The following FHIT variants were observed in gnomAD, a reference collection of about 807,000 sequenced individuals.
FHIT encodes fragile histidine triad diadenosine triphosphatase, also known as bis(5'-adenosyl)-triphosphatase.
A neutral mutation model predicts 17.9 loss-of-function variants in FHIT; 19 were observed. The observed-to-expected ratio is 1.06, with a 90% CI of 0.74 to 1.56. The LOEUF (loss-of-function observed/expected upper bound fraction) is 1.56, where lower values mean the gene tolerates loss of function less well. FHIT is among the 40% of genes most tolerant of loss of function. The pLI is 0.00. For missense variants in FHIT, 248 were observed against 189.2 expected (o/e 1.31, Z -1.82); for synonymous variants, 81 against 69.7 (o/e 1.16, Z -0.81).
chr3:61,098,536 AAGGGCCATATG>A (rs1206381114), intron 2 of FHIT, among the ~76,000 whole-genome samples: 5 of 152,168 alleles, frequency 3.3e-5, no homozygotes, highest in Admixed American at 1.3e-4. Context: ...ATAAACTGTT[AAGGGCCATATG>A]GCCATTTGCA....
At chr3:59,758,435 A>C (rs553347869) in intron 8 of FHIT, among the ~76,000 whole-genome samples, 1 of 152,338 alleles carries the variant, frequency 6.6e-6, no homozygotes, top group South Asian at 2.1e-4. Context: ...ATAGGCACGC[A>C]CAACAGGGGT....
At chr3:60,585,015 T>G in intron 4 of FHIT, among the ~76,000 whole-genome samples, 1 of 152,130 alleles carries the variant, frequency 6.6e-6, no homozygotes, top group East Asian at 1.9e-4. Flanking sequence ...TTGCATCACT[T>G]CAGGCATCAA....
At chr3:59,981,439 C>A (rs570141250) in intron 7 of FHIT, among the ~76,000 whole-genome samples, 1 of 152,156 alleles carries the variant, frequency 6.6e-6, no homozygotes, top group Admixed American at 6.5e-5. Context: ...TATCCAAATT[C>A]TATTGCTGCC....
chr3:60,371,846 T>TC (rs1700344768), intron 5 of FHIT, among the ~76,000 whole-genome samples: 1 of 150,642 alleles, frequency 6.6e-6, no homozygotes. Flanking sequence ...TGTGGGGTTT[T>TC]TTTTTTTTTT....
rs1200259221 is a variant in FHIT, at chr3:59,800,747, CT to C, written c.349-48427del. Among the ~76,000 whole-genome samples, 29 of 152,002 alleles carry C rather than the reference CT, an allele frequency of 1.9e-4. 1 individual carries two copies. Among genetic ancestry groups the C allele is most frequent in the Admixed American group, 1.9e-3 (29 of 15,254 alleles). ...TCTTCCTCAGGAAGAGAAAGGGGGT[CT>C]TAAATGTAACTAGGAGGACTTTGTA... On this transcript the variant is annotated intron_variant, in intron 8 of 9. Transcript: ENST00000492590.
At chr3:60,221,878 T>C (rs1199625988) in intron 5 of FHIT, among the ~76,000 whole-genome samples, 1 of 152,114 alleles carries the variant, frequency 6.6e-6, no homozygotes, top group East Asian at 1.9e-4. Flanking sequence ...TTTTTTTTAA[T>C]TAGGCCTAGT....
chr3:60,991,572 G>A (rs1296037308), intron 3 of FHIT, among the ~76,000 whole-genome samples: 4 of 152,162 alleles, frequency 2.6e-5, no homozygotes, highest in Admixed American at 1.3e-4. Flanking sequence ...AGTACGGGTA[G>A]TGATTAAGAA....
intron 8 of FHIT, among the ~76,000 whole-genome samples, chr3:59,759,291 A>C (rs531110346): frequency 6.6e-6 from 1 of 152,242 alleles, no homozygotes; most frequent in African/African-American, 2.4e-5. Flanking sequence ...ATAGGCAAGG[A>C]AGTAAAAGGA....
rs116169887 is a variant in FHIT at position 60,248,496 on chromosome 3, G to A, written c.104-234344C>T. ...TTATTCAGAAAGAGAACAAAGGAGA[G>A]AAGGCAGGTAAAGGACACAGCACCA... On this transcript the variant is annotated intron_variant, in intron 5 of 9. Transcript: ENST00000492590. Among the ~76,000 whole-genome samples, 1,178 of 152,244 alleles carry A rather than the reference G, an allele frequency of 7.7e-3. 10 individuals are homozygous for A. The highest frequency in any genetic ancestry group is 0.026 in the African/African-American group (1,071 of 41,548).
chr3:60,573,492 T>C (rs2037457897), intron 4 of FHIT, among the ~76,000 whole-genome samples: 1 of 152,164 alleles, frequency 6.6e-6, no homozygotes, highest in Admixed American at 6.5e-5. Flanking sequence ...CTAGAGGACT[T>C]TCATCCCTTC....
Position 60,843,981 on chromosome 3 carries a change from T to C in FHIT, c.-110-21970A>G, listed in dbSNP as rs537456286. Among the ~76,000 whole-genome samples, 35 of 152,168 alleles carry C rather than the reference T, an allele frequency of 2.3e-4. 1 individual carries two copies. The highest frequency in any genetic ancestry group is 6.8e-3 in the Middle Eastern group (2 of 294). On this transcript the variant is annotated intron_variant, in intron 3 of 9. Coordinates refer to ENST00000492590, the MANE Select transcript of FHIT (RefSeq NM_002012.4). The stretch of plus-strand genomic sequence containing the variant: ...ATTTCTGGTAATCAAGAGGGAGAAA[T>C]AGCAGTGAAAAATAGAGCTTGGATA...
chr3:60,245,472 A>C (rs17062600), intron 5 of FHIT, among the ~76,000 whole-genome samples: 2,901 of 152,162 alleles, frequency 0.019, 83 homozygotes, highest in African/African-American at 0.067. Flanking sequence ...GGAGAAATAC[A>C]AAATGGCCAA....
At chr3:60,842,641 ATATAT>A (rs1702773341) in intron 3 of FHIT, among the ~76,000 whole-genome samples, 3 of 47,184 alleles carry the variant, frequency 6.4e-5, no homozygotes, top group South Asian at 1.3e-3. Flanking sequence ...ATATATATAT[ATATAT>A]TTTTTTTTTT....
intron 1 of FHIT, among the ~76,000 whole-genome samples, chr3:61,218,360 G>A (rs911082897): frequency 2.6e-5 from 4 of 152,126 alleles, no homozygotes; most frequent in Non-Finnish European, 4.4e-5. Context: ...GAAGGTCATC[G>A]AGGAACTCAG....
chr3:60,135,975 C>T (rs973342048), intron 5 of FHIT, among the ~76,000 whole-genome samples: 5 of 152,090 alleles, frequency 3.3e-5, no homozygotes, highest in Admixed American at 2.0e-4. Context: ...TTTTATAAAA[C>T]GTCTCACCAT....
chr3:60,924,248 ACAAAATGCCTC>A (rs1411050958), intron 3 of FHIT, among the ~76,000 whole-genome samples: 7 of 152,190 alleles, frequency 4.6e-5, no homozygotes, highest in Non-Finnish European at 8.8e-5. Flanking sequence ...CTAAGAACGG[ACAAAATGCCTC>A]CTCAAGTGGG....
intron 5 of FHIT, among the ~76,000 whole-genome samples, chr3:60,206,304 A>G (rs906643099): frequency 6.6e-5 from 10 of 152,038 alleles, no homozygotes; most frequent in African/African-American, 2.4e-4. Context: ...TCCAGTACTT[A>G]TGATAAGAAA....
At chr3:60,700,167 T>C (rs2041212914) in intron 4 of FHIT, among the ~76,000 whole-genome samples, 1 of 151,026 alleles carries the variant, frequency 6.6e-6, no homozygotes, top group African/African-American at 2.4e-5. Context: ...TGTATGTATG[T>C]GGTATATAAA....
chr3:60,718,564 C>T (rs1735469), intron 4 of FHIT, among the ~76,000 whole-genome samples: 1 of 152,166 alleles, frequency 6.6e-6, no homozygotes, highest in African/African-American at 2.4e-5. Flanking sequence ...TTATAATGTT[C>T]TTCTAGATGC....
Sources: gnomAD v4.1 joint callset for allele counts (sites outside exome capture counted in the v4.1 genomes callset) on GRCh38, gnomAD v4.1.1 for gene constraint, MANE v1.5 for transcripts, NCBI Gene and HGNC (gene_info 2026-07-23, HGNC 2026-07-21) for gene names.